DYNC2H1: variants seen among roughly 807,000 people sequenced by gnomAD.
DYNC2H1 encodes the protein cytoplasmic dynein 2 heavy chain 1.
In DYNC2H1, 410 loss-of-function variants were observed where a neutral mutation model predicts 570.0. The observed-to-expected ratio is 0.72, with a 90% CI of 0.66 to 0.78. The LOEUF (loss-of-function observed/expected upper bound fraction) is 0.78. DYNC2H1 is among the 30% of genes least tolerant of loss of function. DYNC2H1 has a pLI of 0.00. For missense variants in DYNC2H1, 4,865 were observed against 5,046.4 expected (o/e 0.96, Z 1.09); for synonymous variants, 1,688 against 1,677.6 (o/e 1.01, Z -0.15).
rs915890427 is a variant in DYNC2H1, at chr11:103,243,358, A to G, written c.9820-335A>G. On this transcript the variant is annotated intron_variant, in intron 63 of 88. Transcript: ENST00000375735. This position sits in a 1 kb window ranked among gnomAD's most constrained non-coding sequence, Gnocchi z 4.8. ...TATAAAAGCCAAAAAGAATGCTGCA[A>G]ATGACATCAGCTTGAGACTAAAGCT... Among the ~76,000 whole-genome samples the G allele has an allele frequency of 2.6e-5, 4 of 152,148 alleles. No individual in the cohort carries two copies. The highest frequency in any genetic ancestry group is 9.7e-5 in the African/African-American group (4 of 41,440).
intron 85 of DYNC2H1, chr11:103,454,982 GA>G (rs1484445437): frequency 9.8e-5 from 47 of 478,542 alleles, no homozygotes; most frequent in Non-Finnish European, 1.6e-4. Context: ...ATTGTGCAAG[GA>G]ATCGTATTTA....
At chr11:103,453,640 A>ATATATATATATATATATATG (rs1233770231) in intron 85 of DYNC2H1, among the ~76,000 whole-genome samples, 1 of 101,994 alleles carries the variant, frequency 9.8e-6, no homozygotes, top group African/African-American at 3.6e-5. Context: ...ATATATATAT[A>ATATATATATATATATATATG]TACACACATT....
intron 82 of DYNC2H1, among the ~76,000 whole-genome samples, chr11:103,345,156 G>T (rs1012410654): frequency 6.6e-6 from 1 of 152,124 alleles, no homozygotes; most frequent in African/African-American, 2.4e-5. Context: ...CTTTGTCTGA[G>T]ATTCATTATT....
chr11:103,361,641 T>G (rs1361854893), intron 83 of DYNC2H1, among the ~76,000 whole-genome samples: 1 of 152,198 alleles, frequency 6.6e-6, no homozygotes, highest in Non-Finnish European at 1.5e-5. Context: ...AGGAAGCTCC[T>G]GCAGTAGTCC....
intron 75 of DYNC2H1, among the ~76,000 whole-genome samples, chr11:103,298,030 T>C (rs1866905035): frequency 6.6e-6 from 1 of 152,118 alleles, no homozygotes; most frequent in East Asian, 1.9e-4. Context: ...ACATAGCTGC[T>C]AAGTGCCTTT....
chr11:103,469,680 C>G (rs538228309), intron 88 of DYNC2H1, among the ~76,000 whole-genome samples: 2 of 152,168 alleles, frequency 1.3e-5, no homozygotes, highest in Non-Finnish European at 2.9e-5. Context: ...CCCTATTTTT[C>G]CCCCATATCA....
intron 88 of DYNC2H1, among the ~76,000 whole-genome samples, chr11:103,476,376 C>A (rs183486868): frequency 2.1e-4 from 32 of 151,982 alleles, no homozygotes; most frequent in African/African-American, 7.3e-4. Context: ...AACTTATATT[C>A]TAGATATTTG....
intron 75 of DYNC2H1, among the ~76,000 whole-genome samples, chr11:103,293,224 C>T (rs1047115703): frequency 1.7e-4 from 26 of 152,010 alleles, no homozygotes; most frequent in Non-Finnish European, 3.8e-4. Flanking sequence ...TTGCCTTTAG[C>T]ACTCTGGATA....
chr11:103,188,587 A>C lies in DYNC2H1; in HGVS notation c.7231A>C (p.Arg2411=), dbSNP rs569501240. 1 of 1,610,776 alleles carries C rather than the reference A, an allele frequency of 6.2e-7. No homozygotes were observed. Among genetic ancestry groups the C allele is most frequent in the South Asian group, 1.1e-5 (1 of 90,646 alleles). ...TGTGGCTTCTATGTCAGCTGGAGGA[A>C]GACTGGGAAGACATAAACTTACTAC... The part of the protein sequence containing the change: ...QIVASMSAGG[R]LGRHKLTTRF... Residue 2411 remains arginine (R), a synonymous_variant, in exon 44 of 89, where the codon AGA becomes CGA. Coordinates refer to ENST00000375735, the MANE Select transcript of DYNC2H1 (RefSeq NM_001377.3).
intron 17 of DYNC2H1, among the ~76,000 whole-genome samples, chr11:103,140,709 C>T (rs1326837711): frequency 6.6e-5 from 10 of 152,098 alleles, no homozygotes; most frequent in African/African-American, 2.4e-4. Context: ...CGAGGAGTAT[C>T]TTTGTGACAT....
chr11:103,381,842 T>C (rs927019388), intron 83 of DYNC2H1, among the ~76,000 whole-genome samples: 14 of 152,252 alleles, frequency 9.2e-5, no homozygotes, highest in Non-Finnish European at 1.9e-4. Context: ...AATATATATT[T>C]AAGTATATAA....
chr11:103,403,161 GA>G (rs1942711154), intron 84 of DYNC2H1: 1 of 152,050 alleles, frequency 6.6e-6, no homozygotes, highest in Non-Finnish European at 1.5e-5. Flanking sequence ...TAGATGATTG[GA>G]GGTTAGAAAT....
intron 82 of DYNC2H1, among the ~76,000 whole-genome samples, chr11:103,327,827 A>G (rs1159674518): frequency 2.0e-5 from 3 of 152,188 alleles, no homozygotes; most frequent in Non-Finnish European, 2.9e-5. Flanking sequence ...GTTTCCCACC[A>G]ATCTTCTATT....
intron 17 of DYNC2H1, among the ~76,000 whole-genome samples, chr11:103,142,533 G>C (rs1050290076): frequency 6.6e-6 from 1 of 152,064 alleles, no homozygotes; most frequent in Non-Finnish European, 1.5e-5. Context: ...TCTGGGCATG[G>C]TGGTGGTCAC....
intron 83 of DYNC2H1, among the ~76,000 whole-genome samples, chr11:103,375,733 C>G (rs1463688834): frequency 6.6e-6 from 1 of 152,136 alleles, no homozygotes; most frequent in African/African-American, 2.4e-5. Context: ...GTCTGTACCC[C>G]CATTGTATCT....
chr11:103,408,914 T>G (rs1448110100), intron 84 of DYNC2H1, among the ~76,000 whole-genome samples: 2 of 152,066 alleles, frequency 1.3e-5, no homozygotes, highest in African/African-American at 2.4e-5. Context: ...CTTAATGAAT[T>G]AAAGCTCCAT....
Position 103,201,073 on chromosome 11 carries a change from C to T in DYNC2H1, c.8197+919C>T, listed in dbSNP as rs376230193. 7.8e-4 allele frequency among the ~76,000 whole-genome samples: 119 copies of T among 152,230 alleles called. No individual in the cohort carries two copies. The highest frequency in any genetic ancestry group is 1.4e-3 in the Non-Finnish European group (96 of 68,012). On this transcript the variant is annotated intron_variant, in intron 50 of 88. Coordinates refer to ENST00000375735, the MANE Select transcript of DYNC2H1 (RefSeq NM_001377.3). This position sits in a 1 kb window ranked among gnomAD's most constrained non-coding sequence, Gnocchi z 4.8. ...AACTCCTGACTTCAGGTGATCCTCCCGCCTTGGCCTCCCAAAGTGCTGGGA... is the reference window on the plus strand; with the variant it reads ...AACTCCTGACTTCAGGTGATCCTCCTGCCTTGGCCTCCCAAAGTGCTGGGA...
chr11:103,272,434 G>T (rs1008767416), intron 70 of DYNC2H1, among the ~76,000 whole-genome samples: 1 of 152,014 alleles, frequency 6.6e-6, no homozygotes, highest in African/African-American at 2.4e-5. Flanking sequence ...GGGGTGGGGG[G>T]ATGGGGGAGG....
rs982275285 is a variant in DYNC2H1, at chr11:103,354,820, T to C, written c.12040-3423T>C. ...TTCTTGTAAGATCTTTTTTTTTTTT[T>C]TTCCTCAATGTTCTCCAATTACATT... On this transcript the variant is annotated intron_variant, in intron 82 of 88. Transcript: ENST00000375735. 2.0e-5 allele frequency among the ~76,000 whole-genome samples: 3 copies of C among 151,966 alleles called. 1 individual carries two copies. The highest frequency in any genetic ancestry group is 4.1e-4 in the South Asian group (2 of 4,824).
Sources: allele counts gnomAD v4.1 joint callset (sites outside exome capture counted in the v4.1 genomes callset), GRCh38; gene constraint gnomAD v4.1.1; non-coding constraint Gnocchi (gnomAD v3.1); transcripts MANE v1.5; gene names NCBI Gene and HGNC (gene_info 2026-07-23, HGNC 2026-07-21).